Variants in TGFBR2 observed in about 807,000 individuals in gnomAD.
TGFBR2 encodes TGF-beta receptor type-2.
TGFBR2 carries 18 observed loss-of-function variants against 49.0 expected under a neutral mutation model. That is an observed-to-expected ratio of 0.37 (90% CI 0.25 to 0.54). The LOEUF (loss-of-function observed/expected upper bound fraction) is 0.54. TGFBR2 is among the 20% of genes least tolerant of loss of function. TGFBR2 has a pLI of 0.85. For synonymous variants in TGFBR2, 282 were observed against 275.9 expected (o/e 1.02, Z -0.22); for missense variants, 525 against 722.6 (o/e 0.73, Z 3.13).
intron 3 of TGFBR2, among the ~76,000 whole-genome samples, chr3:30,669,121 C>CAAAAAAAAAAAAAAAAAAAAAA (rs56069409): frequency 3.6e-5 from 3 of 83,464 alleles, no homozygotes; most frequent in African/African-American, 1.6e-4. Flanking sequence ...ACTAAAAATA[C>CAAAAAAAAAAAAAAAAAAAAAA]AAAAAAAAAA....
intron 3 of TGFBR2, among the ~76,000 whole-genome samples, chr3:30,663,250 A>G (rs1448699423): frequency 6.6e-6 from 1 of 151,228 alleles, no homozygotes; most frequent in Non-Finnish European, 1.5e-5. Context: ...ATCTAAATAT[A>G]TATACAGTAC....
intron 1 of TGFBR2, among the ~76,000 whole-genome samples, chr3:30,624,962 T>C (rs1698304369): frequency 6.6e-6 from 1 of 152,192 alleles, no homozygotes; most frequent in Non-Finnish European, 1.5e-5. Flanking sequence ...ACTGGGTTCA[T>C]GGATTTATAA....
rs1479190726 is a variant in TGFBR2, at chr3:30,644,823, A to G, written c.171A>G (p.Arg57=). 6.2e-7 allele frequency: 1 copy of G among 1,613,988 alleles called. No homozygotes were observed. Among genetic ancestry groups the G allele is most frequent in the Non-Finnish European group, 8.5e-7 (1 of 1,180,018 alleles). The change falls in exon 2 of 7, where the codon AGA becomes AGG. Residue 57 remains arginine, a synonymous_variant. Coordinates refer to ENST00000295754, the MANE Select transcript of TGFBR2 (RefSeq NM_003242.6). ...FPQLCKFCDV[R]FSTCDNQKSC... is the part of the protein sequence containing the mutation. ...AACTGTGTAAATTTTGTGATGTGAG[A>G]TTTTCCACCTGTGACAACCAGAAAT...
At chr3:30,679,865 C>A (rs913795215) in intron 5 of TGFBR2, among the ~76,000 whole-genome samples, 1 of 152,184 alleles carries the variant, frequency 6.6e-6, no homozygotes, top group Non-Finnish European at 1.5e-5. Flanking sequence ...TACAGGCTCA[C>A]GCCTGTAATC....
At chr3:30,678,546 T>TCAAAAAAAAA (rs370795703) in intron 5 of TGFBR2, among the ~76,000 whole-genome samples, 4 of 100,868 alleles carry the variant, frequency 4.0e-5, no homozygotes, top group Admixed American at 1.1e-4. Flanking sequence ...AGACTGCGTC[T>TCAAAAAAAAA]AAAAAAAAAA....
At chr3:30,631,763 G>C (rs1265796451) in intron 1 of TGFBR2, among the ~76,000 whole-genome samples, 2 of 151,670 alleles carry the variant, frequency 1.3e-5, no homozygotes, top group African/African-American at 2.4e-5. Context: ...CAAAATGAAA[G>C]GGACCTTTAA....
At chr3:30,654,409 T>G (rs1445796688) in intron 3 of TGFBR2, among the ~76,000 whole-genome samples, 1 of 152,152 alleles carries the variant, frequency 6.6e-6, no homozygotes, top group Middle Eastern at 3.2e-3. Flanking sequence ...CAGTGGGGCC[T>G]AGTGCCAGTT....
chr3:30,657,199 C>T (rs189666131), intron 3 of TGFBR2, among the ~76,000 whole-genome samples: 123 of 152,274 alleles, frequency 8.1e-4, no homozygotes, highest in African/African-American at 2.8e-3. Context: ...TCCACATTCC[C>T]GTGGTGGTGG....
rs917586373 is a variant in TGFBR2 at position 30,679,042 on chromosome 3, G to A, written c.1396+4796G>A. 2.6e-5 allele frequency among the ~76,000 whole-genome samples: 4 copies of A among 152,238 alleles called. 1 individual carries two copies. The highest frequency in any genetic ancestry group is 2.6e-4 in the Admixed American group (4 of 15,296). On this transcript the variant is annotated intron_variant, in intron 5 of 6. Transcript: ENST00000295754. The stretch of plus-strand genomic sequence containing the variant: ...ATTAAGGCTCCAAGCTCACCTCCAC[G>A]CCACATTCTCATTCTGTGTTCATCA...
chr3:30,666,085 G>T (rs1246017527), intron 3 of TGFBR2, among the ~76,000 whole-genome samples: 1 of 152,112 alleles, frequency 6.6e-6, no homozygotes, highest in East Asian at 1.9e-4. Flanking sequence ...TTAATTAAAG[G>T]TTAGAGAAAA....
At chr3:30,664,047 C>T (rs1013787441) in intron 3 of TGFBR2, among the ~76,000 whole-genome samples, 5 of 151,922 alleles carry the variant, frequency 3.3e-5, no homozygotes, top group Non-Finnish European at 5.9e-5. Context: ...TGCAGTGGCA[C>T]CATTATAGCT....
intron 3 of TGFBR2, among the ~76,000 whole-genome samples, chr3:30,659,872 A>G (rs1413711871): frequency 6.6e-6 from 1 of 151,852 alleles, no homozygotes; most frequent in Non-Finnish European, 1.5e-5. Context: ...CGAGTGTCTC[A>G]GTGTCCCACC....
At chr3:30,678,280 G>A (rs1841529) in intron 5 of TGFBR2, among the ~76,000 whole-genome samples, 77,392 of 151,854 alleles carry the variant, frequency 0.51, 20,440 homozygotes, top group Admixed American at 0.67. Context: ...GGGCGCGGTG[G>A]CTCACGCCTG....
At position 30,649,029 on chromosome 3, in the gene TGFBR2, C is replaced by G. The variant is rs943792811; in HGVS notation, c.264-1241C>G. The stretch of plus-strand genomic sequence containing the variant: ...GTTTTCCTTGCTGTGAGCAGTGAGC[C>G]TTTGTGCATGGGGCAGGGAGGATTA... On this transcript the variant is annotated intron_variant, in intron 2 of 6. Coordinates refer to ENST00000295754, the MANE Select transcript of TGFBR2 (RefSeq NM_003242.6). 2.0e-5 allele frequency among the ~76,000 whole-genome samples: 3 copies of G among 152,222 alleles called. No homozygotes were observed. In the South Asian group the frequency reaches 6.2e-4, roughly 32 times the overall value.
intron 4 of TGFBR2, among the ~76,000 whole-genome samples, chr3:30,673,422 T>C (rs922431818): frequency 6.6e-6 from 1 of 152,202 alleles, no homozygotes; most frequent in African/African-American, 2.4e-5. Context: ...CTGGAATATT[T>C]TTTTCCTTTT....
At chr3:30,680,907 T>C (rs1699527756) in intron 5 of TGFBR2, among the ~76,000 whole-genome samples, 1 of 152,056 alleles carries the variant, frequency 6.6e-6, no homozygotes, top group Admixed American at 6.5e-5. Context: ...TTGTGTGTTG[T>C]GTGGAAGGCG....
chr3:30,636,151 A>ATG lies in TGFBR2; in HGVS notation c.95-8594_95-8593dup, dbSNP rs757452663. ...AGGTAGTTTCAGTGTGAAAATATAT[A>ATG]TGTATGTGTGTGTGTGTGTGTGTGT... On this transcript the variant is annotated intron_variant, in intron 1 of 6. Coordinates refer to ENST00000295754, the MANE Select transcript of TGFBR2 (RefSeq NM_003242.6). Among the ~76,000 whole-genome samples, 65 of 106,858 alleles carry ATG rather than the reference A, an allele frequency of 6.1e-4. 1 individual carries two copies. The East Asian group carries it at 0.013, about 22-fold the overall frequency. The allele number at this position is 106,858 out of a possible 152,430, so 70.1% of individuals were successfully genotyped here.
rs147933050 is a variant in TGFBR2, at chr3:30,609,087, G to A, written c.94+2110G>A. Among the ~76,000 whole-genome samples, 10 of 152,166 alleles carry A rather than the reference G, an allele frequency of 6.6e-5. No individual in the cohort carries two copies. The East Asian group carries it at 1.9e-3, about 29-fold the overall frequency. On this transcript the variant is annotated intron_variant, in intron 1 of 6. Coordinates refer to ENST00000295754, the MANE Select transcript of TGFBR2 (RefSeq NM_003242.6). ...AAACAATTAGCTTAAAAACGTGGTG[G>A]CTTTTTATTTGGGTATTTAGACAGT...
At chr3:30,647,668 A>AATTATT (rs57328659) in intron 2 of TGFBR2, among the ~76,000 whole-genome samples, 4 of 151,334 alleles carry the variant, frequency 2.6e-5, no homozygotes, top group Non-Finnish European at 4.4e-5. Flanking sequence ...TTATAACCAA[A>AATTATT]ATTATTATTA....
Sources: allele counts gnomAD v4.1 joint callset (sites outside exome capture counted in the v4.1 genomes callset), GRCh38; gene constraint gnomAD v4.1.1; transcripts MANE v1.5; gene names NCBI Gene and HGNC (gene_info 2026-07-23, HGNC 2026-07-21).